Variants in KCNQ3 observed in about 807,000 individuals in gnomAD.
The protein encoded by KCNQ3 is potassium voltage-gated channel subfamily KQT member 3.
Under a neutral mutation model 92.5 loss-of-function variants are expected in KCNQ3, and 30 were observed. That is an observed-to-expected ratio of 0.32 (90% CI 0.24 to 0.44). The LOEUF (loss-of-function observed/expected upper bound fraction) is 0.44, where lower values mean the gene tolerates loss of function less well. KCNQ3 is among the 20% of genes least tolerant of loss of function. KCNQ3 has a pLI of 1.00. For synonymous variants in KCNQ3, 450 were observed against 468.8 expected (o/e 0.96, Z 0.52); for missense variants, 913 against 1,140.3 (o/e 0.80, Z 2.87).
intron 1 of KCNQ3, among the ~76,000 whole-genome samples, chr8:132,247,266 C>T (rs1471845761): frequency 6.6e-6 from 1 of 152,146 alleles, no homozygotes; most frequent in East Asian, 1.9e-4. Flanking sequence ...ATTTTATCTG[C>T]ACAATGAAGC....
At chr8:132,393,428 C>T (rs1820102885) in intron 1 of KCNQ3, among the ~76,000 whole-genome samples, 1 of 152,204 alleles carries the variant, frequency 6.6e-6, no homozygotes, top group Admixed American at 6.5e-5. Context: ...GCCCTTGGAG[C>T]ACAAAAGCTG....
intron 7 of KCNQ3, among the ~76,000 whole-genome samples, chr8:132,172,090 G>A (rs1826384309): frequency 6.6e-6 from 1 of 152,108 alleles, no homozygotes; most frequent in South Asian, 2.1e-4. Flanking sequence ...AGGAGGCTGA[G>A]GTGGGAGGAT....
intron 1 of KCNQ3, among the ~76,000 whole-genome samples, chr8:132,229,589 C>T (rs1464026599): frequency 6.6e-6 from 1 of 151,910 alleles, no homozygotes; most frequent in Non-Finnish European, 1.5e-5. Context: ...GTGGTGATGT[C>T]TAATCAACAA....
chr8:132,402,877 C>T (rs1032348252), intron 1 of KCNQ3, among the ~76,000 whole-genome samples: 4 of 151,508 alleles, frequency 2.6e-5, no homozygotes, highest in African/African-American at 4.9e-5. Flanking sequence ...TTAGCCGGGG[C>T]GTGGCAGTGC....
At chr8:132,325,973 T>C (rs148243136) in intron 1 of KCNQ3, among the ~76,000 whole-genome samples, 10 of 152,304 alleles carry the variant, frequency 6.6e-5, no homozygotes, top group African/African-American at 2.4e-4. Flanking sequence ...GTATGTCGAA[T>C]GTAAAAGGGA....
chr8:132,305,025 A>T (rs1563850628), intron 1 of KCNQ3, among the ~76,000 whole-genome samples: 3 of 152,152 alleles, frequency 2.0e-5, no homozygotes, highest in African/African-American at 4.8e-5. Flanking sequence ...CCCCAGAGCC[A>T]TTTCTCTCTT....
chr8:132,136,134 A>AG (rs1825078250), intron 12 of KCNQ3, among the ~76,000 whole-genome samples: 1 of 150,070 alleles, frequency 6.7e-6, no homozygotes, highest in African/African-American at 2.4e-5. Flanking sequence ...AAAAAAAAAA[A>AG]AAAAAAAAAA....
At chr8:132,257,471 C>T (rs138064140) in intron 1 of KCNQ3, among the ~76,000 whole-genome samples, 147 of 152,038 alleles carry the variant, frequency 9.7e-4, no homozygotes, top group Non-Finnish European at 7.1e-4. Context: ...TTAGGCCGGG[C>T]GCGGTGGCTC....
In KCNQ3 at chr8:132,129,787, G is replaced by A; in HGVS notation, c.2094C>T (p.Ser698=). The A allele has an allele frequency of 6.2e-7, 1 of 1,614,218 alleles. No homozygotes were observed. The highest frequency in any genetic ancestry group is 2.2e-5 in the East Asian group (1 of 44,864). ...SETGPPEPPY[S]FHQVTIDKVS... ...CTTTGTCAATGGTCACCTGGTGGAAGCTGTAGGGTGGTTCCGGGGGGCCTG... is the reference window on the plus strand; with the variant it reads ...CTTTGTCAATGGTCACCTGGTGGAAACTGTAGGGTGGTTCCGGGGGGCCTG... The change falls in exon 15 of 15, where the codon AGC becomes AGT. Residue 698 remains serine, a synonymous_variant. Coordinates refer to ENST00000388996, the MANE Select transcript of KCNQ3 (RefSeq NM_004519.4). The surrounding 1 kb of genome is among the most constrained non-coding windows in gnomAD (Gnocchi z 5.9).
In KCNQ3 at chr8:132,184,362, T is replaced by A; in HGVS notation, c.483A>T (p.Thr161=). Residue 161 remains threonine, a synonymous_variant, in exon 3 of 15, where the codon ACA becomes ACT. Transcript: ENST00000388996. ...VSGDWLLLLE[T]FAIFIFGAEF... ...CGGCTCCAAAGATGAAAATAGCAAA[T>A]GTCTCCTGCATGGAAGAGCATATGG... 5.0e-6 allele frequency: 8 copies of A among 1,613,960 alleles called. No individual in the cohort carries two copies. The highest frequency in any genetic ancestry group is 6.8e-6 in the Non-Finnish European group (8 of 1,179,986).
chr8:132,255,953 T>C (rs960868203), intron 1 of KCNQ3, among the ~76,000 whole-genome samples: 1 of 145,280 alleles, frequency 6.9e-6, no homozygotes, highest in Non-Finnish European at 1.5e-5. Context: ...CAAAATGTAT[T>C]ACCTATACCC....
At chr8:132,196,498 G>T (rs1827300981) in intron 1 of KCNQ3, among the ~76,000 whole-genome samples, 2 of 152,188 alleles carry the variant, frequency 1.3e-5, no homozygotes, top group Non-Finnish European at 2.9e-5. Context: ...CCGTGCCACT[G>T]TGTTCTCTTG....
Position 132,480,296 on chromosome 8 carries a change from C to T in KCNQ3, c.237G>A (p.Arg79=), listed in dbSNP as rs1245946510. The part of the protein sequence containing the change: ...LEGGGRDEGQ[R]RTPQGIGLLA... The stretch of plus-strand genomic sequence containing the variant: ...GGAGCCCGATGCCCTGCGGGGTCCT[C>T]CGCTGCCCCTCGTCGCGGCCGCCGC... Residue 79 remains arginine, a synonymous_variant, in exon 1 of 15, where the codon CGG becomes CGA. Transcript: ENST00000388996. 3 of 1,606,472 alleles carry T rather than the reference C, an allele frequency of 1.9e-6. No homozygotes were observed. The highest frequency in any genetic ancestry group is 2.6e-6 in the Non-Finnish European group (3 of 1,176,406).
At chr8:132,239,503 G>T (rs1814918917) in intron 1 of KCNQ3, among the ~76,000 whole-genome samples, 1 of 152,204 alleles carries the variant, frequency 6.6e-6, no homozygotes, top group African/African-American at 2.4e-5. Context: ...AATTTGAGAA[G>T]GGAGGAGACC....
At chr8:132,279,667 C>T (rs998408675) in intron 1 of KCNQ3, among the ~76,000 whole-genome samples, 6 of 152,150 alleles carry the variant, frequency 3.9e-5, no homozygotes. Context: ...GATACACACG[C>T]ACACACACGT....
chr8:132,384,609 T>C (rs1371632989), intron 1 of KCNQ3, among the ~76,000 whole-genome samples: 4 of 152,198 alleles, frequency 2.6e-5, no homozygotes, highest in East Asian at 1.9e-4. Context: ...GTCATTCATG[T>C]GTAACGGCAA....
intron 1 of KCNQ3, among the ~76,000 whole-genome samples, chr8:132,340,573 G>T (rs1818498634): frequency 6.6e-6 from 1 of 152,078 alleles, no homozygotes; most frequent in Non-Finnish European, 1.5e-5. Context: ...AGAACACATG[G>T]ACACAAGGAG....
intron 1 of KCNQ3, among the ~76,000 whole-genome samples, chr8:132,211,106 C>T (rs894969204): frequency 1.3e-5 from 2 of 152,354 alleles, no homozygotes; most frequent in South Asian, 2.1e-4. Context: ...TGGGCCCTCA[C>T]TGAAATCTTG....
chr8:132,373,176 A>G (rs1819521347), intron 1 of KCNQ3, among the ~76,000 whole-genome samples: 1 of 152,070 alleles, frequency 6.6e-6, no homozygotes, highest in South Asian at 2.1e-4. Context: ...CTCCAGCGTC[A>G]GACATGGGCA....
Sources: gnomAD v4.1 joint callset for allele counts (sites outside exome capture counted in the v4.1 genomes callset) on GRCh38, gnomAD v4.1.1 for gene constraint, Gnocchi (gnomAD v3.1) non-coding constraint, MANE v1.5 for transcripts, NCBI Gene and HGNC (gene_info 2026-07-23, HGNC 2026-07-21) for gene names.